Variants in FAM174A observed in about 807,000 individuals in gnomAD.
The protein encoded by FAM174A is family with sequence similarity 174 member A, also known as membrane protein FAM174A.
Under a neutral mutation model 14.3 loss-of-function variants are expected in FAM174A, and 14 were observed. That is an observed-to-expected ratio of 0.98 (90% CI 0.65 to 1.53). The LOEUF (loss-of-function observed/expected upper bound fraction) is 1.53, where lower values mean the gene tolerates loss of function less well. Among genes scored for constraint, FAM174A ranks in the 40% most tolerant of loss-of-function variants. The pLI, the probability that FAM174A is intolerant of heterozygous loss-of-function variation, is 0.00. For missense variants in FAM174A, 241 were observed against 249.6 expected, an observed-to-expected ratio of 0.97 and a Z score of 0.23; for synonymous variants, 108 against 111.4, an observed-to-expected ratio of 0.97 and a Z score of 0.19.
At chr5:100,564,732 A>T (rs576807515) in intron 2 of FAM174A, among the ~76,000 whole-genome samples, 1 of 151,970 alleles carries the variant, frequency 6.6e-6, no homozygotes, top group African/African-American at 2.4e-5. Context: ...AGAAGACATG[A>T]GACTACTATG....
chr5:100,577,173 T>G lies in FAM174A; in HGVS notation c.570-9008T>G, dbSNP rs979829304. On this transcript the variant is annotated intron_variant, in intron 2 of 2. Coordinates refer to ENST00000312637, the MANE Select transcript of FAM174A (RefSeq NM_198507.3). ...CTTGTATCAAGATATCACAAGTACC[T>G]TATAAATATGTAAAACTATTATGTA... is the stretch of plus-strand genomic sequence containing the variant. Among the ~76,000 whole-genome samples the G allele has an allele frequency of 2.0e-5, 3 of 152,096 alleles. No homozygotes were observed. In the East Asian group the frequency reaches 5.8e-4, roughly 29 times the overall value.
intron 1 of FAM174A, among the ~76,000 whole-genome samples, chr5:100,544,489 A>G (rs886960088): frequency 6.6e-6 from 1 of 152,170 alleles, no homozygotes; most frequent in African/African-American, 2.4e-5. Context: ...GGAGAAAGAA[A>G]GATAAAGGAA....
At position 100,556,000 on chromosome 5, in the gene FAM174A, G is replaced by A. The variant is rs148575916; in HGVS notation, c.435-6054G>A. On this transcript the variant is annotated intron_variant, in intron 1 of 2. Coordinates refer to ENST00000312637, the MANE Select transcript of FAM174A (RefSeq NM_198507.3). ...TGTTGCCATTGCTTTTGGTGTTTTC[G>A]ACATGAAGTCCTTGTCGGTGCCTAT... 8.2e-3 allele frequency among the ~76,000 whole-genome samples: 1,254 copies of A among 152,210 alleles called. 24 individuals are homozygous for A. The highest frequency in any genetic ancestry group is 0.028 in the African/African-American group (1,143 of 41,534).
intron 1 of FAM174A, among the ~76,000 whole-genome samples, chr5:100,561,590 G>A (rs1405464972): frequency 6.6e-6 from 1 of 151,890 alleles, no homozygotes; most frequent in African/African-American, 2.4e-5. Flanking sequence ...TAATTCTAGT[G>A]TGCAGCTAGA....
intron 1 of FAM174A, among the ~76,000 whole-genome samples, chr5:100,552,299 A>G (rs1418622636): frequency 6.6e-6 from 1 of 152,152 alleles, no homozygotes; most frequent in Non-Finnish European, 1.5e-5. Context: ...AAGAATAGTC[A>G]AGAAAAAAAT....
intron 1 of FAM174A, among the ~76,000 whole-genome samples, chr5:100,556,307 G>C (rs1478233955): frequency 3.3e-5 from 5 of 152,122 alleles, no homozygotes; most frequent in Non-Finnish European, 7.4e-5. Flanking sequence ...CTATATCTCT[G>C]TTTTGGTATC....
intron 2 of FAM174A, among the ~76,000 whole-genome samples, chr5:100,582,100 G>A (rs1388103700): frequency 2.0e-5 from 3 of 152,018 alleles, no homozygotes; most frequent in Non-Finnish European, 2.9e-5. Flanking sequence ...TGTTCTCCTA[G>A]TTTATGAAAC....
intron 2 of FAM174A, among the ~76,000 whole-genome samples, chr5:100,572,167 C>G (rs185790452): frequency 6.7e-6 from 1 of 149,288 alleles, no homozygotes; most frequent in Non-Finnish European, 1.5e-5. Flanking sequence ...TTATATTAAT[C>G]TGTGTAATTA....
At chr5:100,551,750 C>A (rs1188145746) in intron 1 of FAM174A, among the ~76,000 whole-genome samples, 6 of 152,072 alleles carry the variant, frequency 3.9e-5, no homozygotes, top group African/African-American at 1.4e-4. Context: ...CTTCTGAGGT[C>A]TGTGAGGGAA....
intron 2 of FAM174A, among the ~76,000 whole-genome samples, chr5:100,566,141 G>GATATATATATATATATATATAT (rs60895683): frequency 6.1e-5 from 5 of 81,800 alleles, no homozygotes; most frequent in Non-Finnish European, 9.7e-5. Flanking sequence ...TGAAAAGTAT[G>GATATATATATATATATATATAT]ATATATATAT....
At chr5:100,568,864 A>C (rs974949214) in intron 2 of FAM174A, among the ~76,000 whole-genome samples, 1 of 151,942 alleles carries the variant, frequency 6.6e-6, no homozygotes, top group African/African-American at 2.4e-5. Context: ...CAGTGTGCTC[A>C]TAGTAGTCAT....
At chr5:100,562,028 A>G (rs2112385829) in intron 1 of FAM174A, 26 bp from the exon 2 acceptor site, 2 of 1,342,930 alleles carry the variant, frequency 1.5e-6, no homozygotes, top group East Asian at 5.2e-5. Flanking sequence ...AATAATTTTT[A>G]TTCATTAATT....
Position 100,585,731 on chromosome 5 carries a change from A to C in FAM174A, c.570-450A>C, listed in dbSNP as rs74895920. 6.8e-3 allele frequency among the ~76,000 whole-genome samples: 1,037 copies of C among 152,162 alleles called. 12 individuals carry two copies. The highest frequency in any genetic ancestry group is 0.024 in the African/African-American group (1,009 of 41,532). On this transcript the variant is annotated intron_variant, in intron 2 of 2. Coordinates refer to ENST00000312637, the MANE Select transcript of FAM174A (RefSeq NM_198507.3). Reference sequence around the variant, plus strand: ...GCCCGGCCTTTTTTGATATTTCTAAACTATGTAGTTCATTGTAATATTTTT... The same window carrying C: ...GCCCGGCCTTTTTTGATATTTCTAACCTATGTAGTTCATTGTAATATTTTT...
intron 2 of FAM174A, among the ~76,000 whole-genome samples, chr5:100,567,023 A>G (rs796535536): frequency 1.3e-5 from 2 of 151,950 alleles, no homozygotes; most frequent in African/African-American, 4.8e-5. Flanking sequence ...AGAGGAGTGA[A>G]TTATTTAAGC....
intron 2 of FAM174A, among the ~76,000 whole-genome samples, chr5:100,575,128 C>T (rs1746874014): frequency 6.6e-6 from 1 of 152,012 alleles, no homozygotes; most frequent in Non-Finnish European, 1.5e-5. Flanking sequence ...TTCTATACTA[C>T]CACTTGTATT....
rs183441117 is a variant in FAM174A at position 100,568,024 on chromosome 5, G to T, written c.569+5836G>T. Among the ~76,000 whole-genome samples the T allele has an allele frequency of 3.6e-4, 55 of 151,980 alleles. 1 individual carries two copies. Among genetic ancestry groups the T allele is most frequent in the Middle Eastern group, 3.4e-3 (1 of 294 alleles). The stretch of plus-strand genomic sequence containing the variant: ...TCTTGCCTGATCTAATCTTCGTTAT[G>T]AAAGTTAGAACATAATTATTTTCAA... On this transcript the variant is annotated intron_variant, in intron 2 of 2. Coordinates refer to ENST00000312637, the MANE Select transcript of FAM174A (RefSeq NM_198507.3).
At chr5:100,572,963 A>G (rs569251902) in intron 2 of FAM174A, among the ~76,000 whole-genome samples, 12 of 152,210 alleles carry the variant, frequency 7.9e-5, no homozygotes, top group African/African-American at 2.9e-4. Context: ...GTGAGCTGGT[A>G]TCTCATTGTG....
intron 1 of FAM174A, among the ~76,000 whole-genome samples, chr5:100,555,445 G>A (rs917391864): frequency 6.6e-6 from 1 of 152,138 alleles, no homozygotes; most frequent in Non-Finnish European, 1.5e-5. Context: ...TATATACCCA[G>A]TAACGGGATG....
chr5:100,570,403 A>C (rs1746756163), intron 2 of FAM174A, among the ~76,000 whole-genome samples: 2 of 152,002 alleles, frequency 1.3e-5, no homozygotes, highest in Admixed American at 1.3e-4. Context: ...CAATTCATTA[A>C]ACATTTTAAA....
Sources: gnomAD v4.1 joint callset for allele counts (sites outside exome capture counted in the v4.1 genomes callset) on GRCh38, gnomAD v4.1.1 for gene constraint, MANE v1.5 for transcripts, NCBI Gene and HGNC (gene_info 2026-07-23, HGNC 2026-07-21) for gene names.